Variants in ADAMTS19 observed in about 807,000 individuals in gnomAD.
The protein encoded by ADAMTS19 is ADAM metallopeptidase with thrombospondin type 1 motif 19, also known as A disintegrin and metalloproteinase with thrombospondin motifs 19.
In ADAMTS19, 93 loss-of-function variants were observed where a neutral mutation model predicts 153.3. The ratio of observed to expected loss-of-function variants is 0.61; its 90% CI spans 0.51 to 0.72. ADAMTS19 has a LOEUF of 0.72. Ranked by LOEUF, ADAMTS19 falls within the 30% of genes least tolerant of loss-of-function variation. The pLI, the probability that ADAMTS19 is intolerant of heterozygous loss-of-function variation, is 0.00. For missense variants in ADAMTS19, 1,482 were observed against 1,552.1 expected (o/e 0.95, Z 0.76); for synonymous variants, 600 against 556.6 (o/e 1.08, Z -1.10).
chr5:129,504,718 T>A (rs1417673574), intron 2 of ADAMTS19, among the ~76,000 whole-genome samples: 1 of 152,124 alleles, frequency 6.6e-6, no homozygotes, highest in Non-Finnish European at 1.5e-5. Context: ...TCAGTCTGAC[T>A]TTTTTAGATT....
chr5:129,600,350 T>G (rs2126928301), intron 8 of ADAMTS19, among the ~76,000 whole-genome samples: 1 of 152,262 alleles, frequency 6.6e-6, no homozygotes, highest in Non-Finnish European at 1.5e-5. Flanking sequence ...GCGTTAAATT[T>G]TATAAGTGAA....
chr5:129,528,487 A>C (rs375015850), intron 5 of ADAMTS19, 33 bp from the exon 6 acceptor site: 8 of 1,510,518 alleles, frequency 5.3e-6, no homozygotes, highest in Non-Finnish European at 7.1e-6. Flanking sequence ...CCTAAGAATA[A>C]TATGCCTTGT....
At chr5:129,608,110 G>GTATATATATATATATA (rs1368112273) in intron 8 of ADAMTS19, among the ~76,000 whole-genome samples, 36 of 36,222 alleles carry the variant, frequency 9.9e-4, no homozygotes, top group African/African-American at 2.1e-3. Flanking sequence ...GTGTGTGTGT[G>GTATATATATATATATA]TGTGTGTATA....
chr5:129,603,499 A>G (rs1750759416), intron 8 of ADAMTS19, among the ~76,000 whole-genome samples: 1 of 152,220 alleles, frequency 6.6e-6, no homozygotes, highest in Non-Finnish European at 1.5e-5. Context: ...AGGTCTACAA[A>G]TAATTCCATT....
intron 2 of ADAMTS19, among the ~76,000 whole-genome samples, chr5:129,467,199 T>A (rs1419375210): frequency 6.6e-6 from 1 of 152,172 alleles, no homozygotes; most frequent in Non-Finnish European, 1.5e-5. Flanking sequence ...AAAGGAAGCG[T>A]CTGCTAGCTA....
chr5:129,634,482 A>G (rs1490703343), intron 10 of ADAMTS19, among the ~76,000 whole-genome samples: 27 of 152,110 alleles, frequency 1.8e-4, no homozygotes, highest in Admixed American at 1.8e-3. Context: ...CAAGGCAATC[A>G]AGCAAAAATA....
rs150399000 is a variant in ADAMTS19, at chr5:129,563,007, CA to C, written c.1372+11105del. On this transcript the variant is annotated intron_variant, in intron 7 of 22. Transcript: ENST00000274487. ...TACAGACCACCCAGGAAGCAACTGCCAAAAAGAAGCATATCCATACACTAAA... is the reference window on the plus strand; with the variant it reads ...TACAGACCACCCAGGAAGCAACTGCCAAAAGAAGCATATCCATACACTAAA... 7.8e-3 allele frequency among the ~76,000 whole-genome samples: 1,185 copies of C among 152,202 alleles called. 18 individuals are homozygous for C. Among genetic ancestry groups the C allele is most frequent in the African/African-American group, 0.026 (1,076 of 41,538 alleles).
At chr5:129,596,409 C>T in intron 7 of ADAMTS19, 150 bp from the exon 8 acceptor site, 1 of 511,694 alleles carries the variant, frequency 2.0e-6, no homozygotes, top group Non-Finnish European at 3.3e-6. Context: ...ACACTTGCCC[C>T]TAAAATTTCA....
intron 21 of ADAMTS19, among the ~76,000 whole-genome samples, chr5:129,718,207 T>C (rs756437435): frequency 5.3e-5 from 8 of 152,166 alleles, no homozygotes; most frequent in Non-Finnish European, 1.0e-4. Flanking sequence ...ATTTTGACAG[T>C]CCTTTCACAA....
chr5:129,540,350 G>T (rs946432293), intron 6 of ADAMTS19, among the ~76,000 whole-genome samples: 1 of 152,036 alleles, frequency 6.6e-6, no homozygotes, highest in African/African-American at 2.4e-5. Context: ...ATAGTTTAAA[G>T]CTGACCTAGT....
chr5:129,722,220 A>C (rs922096439), intron 21 of ADAMTS19, among the ~76,000 whole-genome samples: 3 of 152,210 alleles, frequency 2.0e-5, no homozygotes, highest in Non-Finnish European at 4.4e-5. Context: ...TCCCACCAGC[A>C]GTGTAAAAGT....
At chr5:129,589,404 C>T (rs1213957718) in intron 7 of ADAMTS19, among the ~76,000 whole-genome samples, 3 of 151,666 alleles carry the variant, frequency 2.0e-5, no homozygotes, top group Non-Finnish European at 4.4e-5. Context: ...GTTATTTATA[C>T]ATTATAATTA....
rs147466335 is a variant in ADAMTS19, at chr5:129,608,098, G to GTGTGTA, written c.1478+11439_1478+11440insATGTGT. Among the ~76,000 whole-genome samples the GTGTGTA allele has an allele frequency of 6.5e-3, 330 of 51,124 alleles. 13 individuals carry two copies. Among genetic ancestry groups the GTGTGTA allele is most frequent in the African/African-American group, 0.017 (321 of 18,804 alleles). The allele number at this position is 51,124 out of a possible 152,430, so 33.5% of individuals were successfully genotyped here. A position where few individuals can be genotyped will look rare whatever the true frequency, so the allele number is the denominator to read the frequency against. On this transcript the variant is annotated intron_variant, in intron 8 of 22. Transcript: ENST00000274487. Reference sequence around the variant, plus strand: ...ATTGGAATTTTATATATATGTGTGTGTGTGTGTGTGTGTGTGTGTATATAT... The same window carrying GTGTGTA: ...ATTGGAATTTTATATATATGTGTGTGTGTGTATGTGTGTGTGTGTGTGTGTATATAT...
chr5:129,648,985 A>G lies in ADAMTS19; in HGVS notation c.2176+15A>G, dbSNP rs1193406554. 1.3e-6 allele frequency: 2 copies of G among 1,556,320 alleles called. No individual in the cohort carries two copies. Among genetic ancestry groups the G allele is most frequent in the Admixed American group, 1.8e-5 (1 of 56,544 alleles). Reference sequence around the variant, plus strand: ...CCTGGATGAAGGTATGACCAACCAGATCACCACCATCTTTGTTAACTAGAT... The same window carrying G: ...CCTGGATGAAGGTATGACCAACCAGGTCACCACCATCTTTGTTAACTAGAT... On this transcript the variant is annotated intron_variant, in intron 13 of 22. Coordinates refer to ENST00000274487, the MANE Select transcript of ADAMTS19 (RefSeq NM_133638.6).
intron 21 of ADAMTS19, among the ~76,000 whole-genome samples, chr5:129,719,296 A>C (rs1285973431): frequency 6.6e-6 from 1 of 152,192 alleles, no homozygotes. Context: ...TAATAGTTCC[A>C]TGAACTCACT....
chr5:129,527,905 A>G, intron 5 of ADAMTS19, 74 bp downstream of exon 5: 1 of 888,616 alleles, frequency 1.1e-6, no homozygotes, highest in Non-Finnish European at 1.8e-6. Flanking sequence ...AGTAAAGGGA[A>G]TGTTAAGGAT....
intron 3 of ADAMTS19, among the ~76,000 whole-genome samples, chr5:129,513,943 A>G (rs1751516460): frequency 1.3e-5 from 2 of 151,852 alleles, no homozygotes; most frequent in Non-Finnish European, 2.9e-5. Context: ...ACTCCTCACT[A>G]CCTTTCCTAG....
At chr5:129,586,276 T>C (rs1749795502) in intron 7 of ADAMTS19, among the ~76,000 whole-genome samples, 1 of 152,222 alleles carries the variant, frequency 6.6e-6, no homozygotes, top group African/African-American at 2.4e-5. Flanking sequence ...CATTATAGTA[T>C]CATATAGAGT....
chr5:129,682,735 C>G (rs1460324051), intron 17 of ADAMTS19, among the ~76,000 whole-genome samples: 1 of 152,048 alleles, frequency 6.6e-6, no homozygotes, highest in Non-Finnish European at 1.5e-5. Flanking sequence ...AAAATAAGTA[C>G]TATGATAGAA....
Sources: allele counts gnomAD v4.1 joint callset (sites outside exome capture counted in the v4.1 genomes callset), GRCh38; gene constraint gnomAD v4.1.1; transcripts MANE v1.5; gene names NCBI Gene and HGNC (gene_info 2026-07-23, HGNC 2026-07-21).